Variants in DLEC1 observed in about 807,000 individuals in gnomAD.
DLEC1 encodes the protein deleted in lung and esophageal cancer protein 1.
DLEC1 carries 146 observed loss-of-function variants against 198.1 expected under a neutral mutation model. That is an observed-to-expected ratio of 0.74 (90% CI 0.64 to 0.85). The LOEUF (loss-of-function observed/expected upper bound fraction) is 0.85. DLEC1 is among the 40% of genes least tolerant of loss of function. The pLI, the probability that DLEC1 is intolerant of heterozygous loss-of-function variation, is 0.00. For synonymous variants in DLEC1, 897 were observed against 866.8 expected, an observed-to-expected ratio of 1.03 and a Z score of -0.61; for missense variants, 2,233 against 2,220.0, an observed-to-expected ratio of 1.01 and a Z score of -0.12.
chr3:38,089,217 A>G (rs1698618321), intron 10 of DLEC1, among the ~76,000 whole-genome samples: 1 of 152,236 alleles, frequency 6.6e-6, no homozygotes, highest in African/African-American at 2.4e-5. Context: ...ACTCAGCTGC[A>G]CATTGCAATC....
At position 38,115,120 on chromosome 3, in the gene DLEC1, G is replaced by A; in HGVS notation, c.3856+67G>A. 2.5e-6 allele frequency: 4 copies of A among 1,583,412 alleles called. No individual in the cohort carries two copies. The South Asian group carries it at 4.5e-5, about 18-fold the overall frequency. ...TGTGCCTTGTGGTGAGCCAGGCTGG[G>A]AGGGAAGGTGGGAGGGAAGCCGATG... On this transcript the variant is annotated intron_variant, in intron 27 of 36. Coordinates refer to ENST00000308059, the MANE Select transcript of DLEC1 (RefSeq NM_007335.4).
chr3:38,111,111 T>C (rs1053771686), intron 23 of DLEC1, among the ~76,000 whole-genome samples: 2 of 152,152 alleles, frequency 1.3e-5, no homozygotes, highest in Admixed American at 6.5e-5. Context: ...CATTATAATT[T>C]AGGACTTTTT....
chr3:38,092,333 A>G (rs1197395806), intron 10 of DLEC1, among the ~76,000 whole-genome samples: 1 of 152,218 alleles, frequency 6.6e-6, no homozygotes, highest in Admixed American at 6.5e-5. Flanking sequence ...TGGACCTTAA[A>G]TAATTGAACT....
intron 12 of DLEC1, among the ~76,000 whole-genome samples, chr3:38,094,453 T>A (rs1559440655): frequency 6.6e-6 from 1 of 152,066 alleles, no homozygotes; most frequent in Non-Finnish European, 1.5e-5. Context: ...TGGGAGCCCA[T>A]AACAGGAAAG....
At chr3:38,076,189 G>A (rs2125645151) in intron 6 of DLEC1, among the ~76,000 whole-genome samples, 1 of 152,358 alleles carries the variant, frequency 6.6e-6, no homozygotes, top group African/African-American at 2.4e-5. Flanking sequence ...GATAGTGAGG[G>A]AGGTTGGAGA....
rs1334962425 is a variant in DLEC1, at chr3:38,063,854, C to T, written c.1108C>T (p.Pro370Ser). ...TEPEQSCADT[P>S]VFLAKPPIGF... ...TTCATCCCACAGTTGTGCTGATACT[C>T]CAGTGTTTCTAGCTAAGCCACCAAT... The change falls in exon 6 of 37, where the codon CCA (proline) becomes TCA (serine). Residue 370 changes from proline to serine, a missense_variant. Physicochemically the swap from Pro to Ser is moderately conservative, Grantham distance 74. Coordinates refer to ENST00000308059, the MANE Select transcript of DLEC1 (RefSeq NM_007335.4). 1.2e-5 allele frequency: 19 copies of T among 1,613,490 alleles called. No individual in the cohort carries two copies. Among genetic ancestry groups the T allele is most frequent in the Non-Finnish European group, 1.6e-5 (19 of 1,179,626 alleles).
chr3:38,053,634 G>A lies in DLEC1; in HGVS notation c.563-6108G>A, dbSNP rs555818581. Among the ~76,000 whole-genome samples the A allele has an allele frequency of 2.5e-4, 25 of 101,752 alleles. No homozygotes were observed. The East Asian group carries it at 3.8e-3, about 15-fold the overall frequency. The allele number at this position is 101,752 out of a possible 152,430, so 66.8% of individuals were successfully genotyped here. A position where few individuals can be genotyped will look rare whatever the true frequency, so the allele number is the denominator to read the frequency against. Reference sequence around the variant, plus strand: ...CGGGAGGTGGGGGGCGCCTCTGCCCGGCCGCCCCTTCTGGGAAGTGAGGAG... The same window carrying A: ...CGGGAGGTGGGGGGCGCCTCTGCCCAGCCGCCCCTTCTGGGAAGTGAGGAG... On this transcript the variant is annotated intron_variant, in intron 2 of 36. Coordinates refer to ENST00000308059, the MANE Select transcript of DLEC1 (RefSeq NM_007335.4).
intron 19 of DLEC1, chr3:38,103,100 T>C (rs1386607703): frequency 6.6e-6 from 1 of 152,274 alleles, no homozygotes; most frequent in Non-Finnish European, 1.5e-5. Context: ...ATAGCATACA[T>C]TGTACTCATG....
In DLEC1 at chr3:38,112,151, T is replaced by G. The variant is rs536033433; in HGVS notation, c.3515-59T>G. 44 of 1,609,040 alleles carry G rather than the reference T, an allele frequency of 2.7e-5. No individual in the cohort carries two copies. The South Asian group carries it at 4.4e-4, about 16-fold the overall frequency. ...CAGTGCTTTGCTCACACACGAGGGT[T>G]TGGACCTCACTCCCAACCCCAGGCC... is the stretch of plus-strand genomic sequence containing the variant. On this transcript the variant is annotated intron_variant, in intron 24 of 36. Coordinates refer to ENST00000308059, the MANE Select transcript of DLEC1 (RefSeq NM_007335.4). This position sits in a 1 kb window ranked among gnomAD's most constrained non-coding sequence, Gnocchi z 4.8.
rs114665575 is a variant in DLEC1, at chr3:38,078,526, T to C, written c.1174-5632T>C. ...AACAGATTGAGGTTTGGGAGATTAA[T>C]TGGGCACAATCAGCAGGGAGAGCAC... On this transcript the variant is annotated intron_variant, in intron 6 of 36. Coordinates refer to ENST00000308059, the MANE Select transcript of DLEC1 (RefSeq NM_007335.4). 5.5e-3 allele frequency among the ~76,000 whole-genome samples: 833 copies of C among 152,246 alleles called. 5 individuals carry two copies. Among genetic ancestry groups the C allele is most frequent in the African/African-American group, 0.019 (792 of 41,534 alleles).
At chr3:38,059,445 G>A (rs974854696) in intron 2 of DLEC1, among the ~76,000 whole-genome samples, 8 of 152,048 alleles carry the variant, frequency 5.3e-5, no homozygotes, top group Admixed American at 5.2e-4. Flanking sequence ...AGACAGAAGT[G>A]AAGAACTGGG....
rs866395576 is a variant in DLEC1 at position 38,062,134 on chromosome 3, T to C, written c.674-35T>C. ...TAGGAATGCCCACCTCCTCACCTTGTTGCAGTGATTCAGTTTGTTTCCTTG... is the reference window on the plus strand; with the variant it reads ...TAGGAATGCCCACCTCCTCACCTTGCTGCAGTGATTCAGTTTGTTTCCTTG... On this transcript the variant is annotated intron_variant, in intron 3 of 36. Coordinates refer to ENST00000308059, the MANE Select transcript of DLEC1 (RefSeq NM_007335.4). 21 of 1,611,954 alleles carry C rather than the reference T, an allele frequency of 1.3e-5. No homozygotes were observed. In the Middle Eastern group the frequency reaches 2.5e-3, roughly 190 times the overall value.
At position 38,112,362 on chromosome 3, in the gene DLEC1, G is replaced by T; in HGVS notation, c.3666+1G>T. On this transcript the variant is annotated splice_donor_variant, in intron 25 of 36. Coordinates refer to ENST00000308059, the MANE Select transcript of DLEC1 (RefSeq NM_007335.4). LOFTEE classifies it high-confidence loss of function. The surrounding 1 kb of genome is among the most constrained non-coding windows in gnomAD (Gnocchi z 4.8). ...GTACTGGGACAACCTCATCTGCACG[G>T]TAAGGGTACACAAGAGGGCAGTGGC... is the stretch of plus-strand genomic sequence containing the variant. 1.2e-6 allele frequency: 2 copies of T among 1,614,062 alleles called. No homozygotes were observed. Among genetic ancestry groups the T allele is most frequent in the Middle Eastern group, 3.3e-4 (2 of 6,062 alleles).
At chr3:38,052,184 C>G in intron 2 of DLEC1, 1 of 435,530 alleles carries the variant, frequency 2.3e-6, no homozygotes, top group Non-Finnish European at 4.6e-6. Flanking sequence ...TCCTTCTTCT[C>G]AGAAATAATT....
intron 13 of DLEC1, chr3:38,095,520 T>G: frequency 3.2e-6 from 1 of 311,266 alleles, no homozygotes; most frequent in Non-Finnish European, 6.1e-6. Context: ...CCGGGGCCAT[T>G]GTTAGTGGGT....
intron 1 of DLEC1, among the ~76,000 whole-genome samples, chr3:38,041,891 T>C (rs1014826072): frequency 4.0e-5 from 6 of 151,374 alleles, no homozygotes; most frequent in African/African-American, 1.5e-4. Flanking sequence ...CAAAGATAAG[T>C]TGACTTTATA....
intron 8 of DLEC1, 85 bp downstream of exon 8, chr3:38,085,532 T>C: frequency 5.9e-6 from 9 of 1,530,402 alleles, no homozygotes; most frequent in Non-Finnish European, 8.0e-6. Context: ...GTTCCCTTTG[T>C]ATCAGCACAC....
In DLEC1 at chr3:38,092,046, T is replaced by A. The variant is rs79996960; in HGVS notation, c.1666-744T>A. Among the ~76,000 whole-genome samples, 15 of 152,364 alleles carry A rather than the reference T, an allele frequency of 9.8e-5. No homozygotes were observed. The East Asian group carries it at 2.3e-3, about 23-fold the overall frequency. On this transcript the variant is annotated intron_variant, in intron 10 of 36. Transcript: ENST00000308059. ...TGGCTGGAGTGCAGTGATGTGATCA[T>A]TGCTCACTGCATCCTCTAACTCCTG...
At chr3:38,053,754 A>T (rs1195748801) in intron 2 of DLEC1, among the ~76,000 whole-genome samples, 2 of 150,724 alleles carry the variant, frequency 1.3e-5, no homozygotes, top group South Asian at 2.1e-4. Flanking sequence ...TGAATGGAAA[A>T]GGGGGAAATG....
Sources: gnomAD v4.1 joint callset for allele counts (sites outside exome capture counted in the v4.1 genomes callset) on GRCh38, gnomAD v4.1.1 for gene constraint, Gnocchi (gnomAD v3.1) non-coding constraint, MANE v1.5 for transcripts, NCBI Gene and HGNC (gene_info 2026-07-23, HGNC 2026-07-21) for gene names.